ANKFY1: variants seen among roughly 807,000 people sequenced by gnomAD.
The protein encoded by ANKFY1 is ankyrin repeat and FYVE domain-containing protein 1.
In ANKFY1, 47 loss-of-function variants were observed where a neutral mutation model predicts 128.3. That is an observed-to-expected ratio of 0.37 (90% CI 0.29 to 0.47). The LOEUF (loss-of-function observed/expected upper bound fraction) is 0.47, where lower values mean the gene tolerates loss of function less well. Among genes scored for constraint, ANKFY1 ranks in the 20% least tolerant of loss-of-function variants. The pLI, the probability that ANKFY1 is intolerant of heterozygous loss-of-function variation, is 1.00. For synonymous variants in ANKFY1, 553 were observed against 601.6 expected, an observed-to-expected ratio of 0.92 and a Z score of 1.18; for missense variants, 1,222 against 1,510.6, an observed-to-expected ratio of 0.81 and a Z score of 3.17.
chr17:4,239,102 A>G lies in ANKFY1; in HGVS notation c.203+3154T>C, dbSNP rs911398174. ...TGAAGGGAGACTTGTTGGGAGTCCT[A>G]AGATCATACCATAACTAGCTAAAAG... On this transcript the variant is annotated intron_variant, in intron 2 of 24. Coordinates refer to ENST00000341657, the MANE Select transcript of ANKFY1 (RefSeq NM_001330063.2). Among the ~76,000 whole-genome samples the G allele has an allele frequency of 2.6e-5, 4 of 152,318 alleles. No individual in the cohort carries two copies. In the East Asian group the frequency reaches 7.7e-4, roughly 29 times the overall value.
intron 2 of ANKFY1, among the ~76,000 whole-genome samples, chr17:4,237,601 A>G (rs1225982002): frequency 6.6e-6 from 1 of 152,246 alleles, no homozygotes; most frequent in Non-Finnish European, 1.5e-5. Context: ...CAAAATTACA[A>G]AAATGAATGT....
chr17:4,263,479 C>A, intron 1 of ANKFY1: 8 of 797,574 alleles, frequency 1.0e-5, no homozygotes, highest in Non-Finnish European at 1.3e-5. Flanking sequence ...CCCCACCCCA[C>A]CTCACCCCAA....
At chr17:4,213,344 C>G (rs1038054228) in intron 4 of ANKFY1, among the ~76,000 whole-genome samples, 2 of 151,878 alleles carry the variant, frequency 1.3e-5, no homozygotes, top group Non-Finnish European at 2.9e-5. Context: ...CGCCCGCCAC[C>G]ACGACCGGCT....
At position 4,169,168 on chromosome 17, in the gene ANKFY1, C is replaced by A; in HGVS notation, c.3377+30G>T. On this transcript the variant is annotated intron_variant, in intron 24 of 24. Coordinates refer to ENST00000341657, the MANE Select transcript of ANKFY1 (RefSeq NM_001330063.2). The surrounding 1 kb of genome is among the most constrained non-coding windows in gnomAD (Gnocchi z 5.0). ...GCAATGACATCAGCGGCAGTCCCCT[C>A]GCTCCTTGCCAGTGACGCTGGGGTC... 1 of 1,532,610 alleles carries A rather than the reference C, an allele frequency of 6.5e-7. No individual in the cohort carries two copies. Among genetic ancestry groups the A allele is most frequent in the South Asian group, 1.2e-5 (1 of 83,634 alleles). The allele number at this position is 1,532,610 out of a possible 1,614,324, so 94.9% of individuals were successfully genotyped here. A position where few individuals can be genotyped will look rare whatever the true frequency, so the allele number is the denominator to read the frequency against.
At position 4,178,974 on chromosome 17, in the gene ANKFY1, A is replaced by ATCG. The variant is rs1567913175; in HGVS notation, c.2478_2480dup (p.Asp827dup). The ATCG allele has an allele frequency of 6.2e-7, 1 of 1,614,186 alleles. No individual in the cohort carries two copies. Reference sequence around the variant, plus strand: ...GTCTGTCTCGTACATTCAAATGGATATCGGGGTGAGAAACCAACAGCTGAA... The same window carrying ATCG: ...GTCTGTCTCGTACATTCAAATGGATATCGTCGGGGTGAGAAACCAACAGCTGAA... On this transcript the variant is annotated inframe_insertion, in exon 18 of 25. Coordinates refer to ENST00000341657, the MANE Select transcript of ANKFY1 (RefSeq NM_001330063.2). This position sits in a 1 kb window ranked among gnomAD's most constrained non-coding sequence, Gnocchi z 4.1.
chr17:4,222,758 A>T, intron 3 of ANKFY1: 2 of 982,158 alleles, frequency 2.0e-6, no homozygotes. Context: ...TAGCAATAAT[A>T]TTAGCTGTTT....
rs578245934 is a variant in ANKFY1 at position 4,166,031 on chromosome 17, T to C, written c.*1748A>G. ...ACTAGCAGAGTTTTTCTTTTAAACA[T>C]TCTGTATGAAATATGTCAGACTGGG... On this transcript the variant is annotated 3_prime_UTR_variant, in exon 25 of 25. Transcript: ENST00000341657. The C allele has an allele frequency of 8.5e-5, 13 of 152,242 alleles. No individual in the cohort carries two copies. The highest frequency in any genetic ancestry group is 1.5e-4 in the Non-Finnish European group (10 of 68,046). The allele number at this position is 152,242 out of a possible 1,614,324, so 9.4% of individuals were successfully genotyped here. A position where few individuals can be genotyped will look rare whatever the true frequency, so the allele number is the denominator to read the frequency against.
Position 4,177,119 on chromosome 17 carries a change from C to T in ANKFY1, c.2775+7G>A. The T allele has an allele frequency of 4.4e-6, 7 of 1,577,960 alleles. No homozygotes were observed. The highest frequency in any genetic ancestry group is 6.0e-6 in the Non-Finnish European group (7 of 1,161,644). ...ATTATTACATGCAATACTTCTGTGTCACTTACCAAATTGCGGACAATAATT... is the reference window on the plus strand; with the variant it reads ...ATTATTACATGCAATACTTCTGTGTTACTTACCAAATTGCGGACAATAATT... On this transcript the variant is annotated splice_region_variant and intron_variant, in intron 19 of 24. Transcript: ENST00000341657.
chr17:4,179,932 C>T, intron 16 of ANKFY1, 55 bp from the exon 17 acceptor site: 1 of 1,599,674 alleles, frequency 6.3e-7, no homozygotes, highest in Admixed American at 1.7e-5. Flanking sequence ...GGCGTATAGG[C>T]ATGCTGATTA....
chr17:4,235,639 T>C, intron 3 of ANKFY1, 133 bp downstream of exon 3: 1 of 690,630 alleles, frequency 1.4e-6, no homozygotes, highest in Admixed American at 2.3e-5. Flanking sequence ...ATTTAACTAG[T>C]TCATGGTTGC....
At chr17:4,220,107 G>A (rs1252436620) in intron 3 of ANKFY1, among the ~76,000 whole-genome samples, 2 of 152,190 alleles carry the variant, frequency 1.3e-5, no homozygotes, top group African/African-American at 4.8e-5. Context: ...TTACAGGCGT[G>A]AGCCACCCTG....
chr17:4,241,047 AC>A (rs1668442830), intron 2 of ANKFY1, among the ~76,000 whole-genome samples: 1 of 152,190 alleles, frequency 6.6e-6, no homozygotes, highest in African/African-American at 2.4e-5. Context: ...ACCAGTGAAA[AC>A]AATTTAAGTT....
rs10684185 is a variant in ANKFY1, at chr17:4,168,134, C to CTTT, written c.3378-226_3378-224dup. The stretch of plus-strand genomic sequence containing the variant: ...CAAGTTAAAGCAATACTGAAGAAGG[C>CTTT]TTTTTTTTTTTTTTTTGGAAGATCA... On this transcript the variant is annotated intron_variant, in intron 24 of 24. Coordinates refer to ENST00000341657, the MANE Select transcript of ANKFY1 (RefSeq NM_001330063.2). The CTTT allele has an allele frequency of 3.8e-3, 837 of 223,130 alleles. 3 individuals carry two copies. The highest frequency in any genetic ancestry group is 6.8e-3 in the South Asian group (87 of 12,744). The allele number at this position is 223,130 out of a possible 1,614,324, so 13.8% of individuals were successfully genotyped here.
intron 6 of ANKFY1, 34 bp downstream of exon 6, chr17:4,207,899 G>A (rs780199342): frequency 1.2e-5 from 18 of 1,535,402 alleles, no homozygotes; most frequent in South Asian, 9.1e-5. Flanking sequence ...TTAGAGTTTC[G>A]GGAAATGAAG....
intron 1 of ANKFY1, 101 bp from the exon 2 acceptor site, chr17:4,242,549 G>T: frequency 9.5e-7 from 1 of 1,049,086 alleles, no homozygotes; most frequent in Non-Finnish European, 1.3e-6. Context: ...CAAAGTGACT[G>T]GCCACTTGAC....
intron 7 of ANKFY1, among the ~76,000 whole-genome samples, chr17:4,199,438 T>C (rs780050352): frequency 6.6e-6 from 1 of 152,202 alleles, no homozygotes; most frequent in Non-Finnish European, 1.5e-5. Flanking sequence ...GGGATCCACC[T>C]GTCTCAGCCT....
At chr17:4,217,686 A>ATT (rs370530391) in intron 3 of ANKFY1, among the ~76,000 whole-genome samples, 2 of 150,210 alleles carry the variant, frequency 1.3e-5, no homozygotes, top group African/African-American at 4.9e-5. Context: ...AATTAACATT[A>ATT]TTTTTTTTTT....
At chr17:4,196,402 G>A (rs1313104856) in intron 8 of ANKFY1, among the ~76,000 whole-genome samples, 1 of 151,936 alleles carries the variant, frequency 6.6e-6, no homozygotes, top group African/African-American at 2.4e-5. Flanking sequence ...GTTTTTCAAA[G>A]GTATAAAATA....
chr17:4,183,309 A>C, intron 14 of ANKFY1, 89 bp downstream of exon 14: 1 of 1,514,844 alleles, frequency 6.6e-7, no homozygotes, highest in South Asian at 1.2e-5. Flanking sequence ...AATATGAAAC[A>C]AAAACACTTT....
Sources: allele counts gnomAD v4.1 joint callset (sites outside exome capture counted in the v4.1 genomes callset), GRCh38; gene constraint gnomAD v4.1.1; non-coding constraint Gnocchi (gnomAD v3.1); transcripts MANE v1.5; gene names NCBI Gene and HGNC (gene_info 2026-07-23, HGNC 2026-07-21).